DLG2: variants seen among roughly 807,000 people sequenced by gnomAD.
The protein encoded by DLG2 is discs large MAGUK scaffold protein 2, also known as disks large homolog 2.
In DLG2, 45 loss-of-function variants were observed where a neutral mutation model predicts 132.5. That is an observed-to-expected ratio of 0.34 (90% CI 0.27 to 0.44). The LOEUF (loss-of-function observed/expected upper bound fraction) is 0.44, where lower values mean the gene tolerates loss of function less well. Ranked by LOEUF, DLG2 falls within the 20% of genes least tolerant of loss-of-function variation. The pLI, the probability that DLG2 is intolerant of heterozygous loss-of-function variation, is 1.00. For missense variants in DLG2, 1,045 were observed against 1,196.9 expected (o/e 0.87, Z 1.87); for synonymous variants, 424 against 419.6 (o/e 1.01, Z -0.13).
At chr11:83,506,853 C>T (rs2094728418) in intron 21 of DLG2, among the ~76,000 whole-genome samples, 1 of 152,202 alleles carries the variant, frequency 6.6e-6, no homozygotes, top group African/African-American at 2.4e-5. Flanking sequence ...TGAGACTGTG[C>T]ATGCACCTTT....
intron 7 of DLG2, among the ~76,000 whole-genome samples, chr11:84,353,914 G>T (rs753642551): frequency 1.3e-5 from 2 of 152,082 alleles, no homozygotes; most frequent in African/African-American, 4.8e-5. Flanking sequence ...CAACCTCCCT[G>T]ATTGGTCAGA....
At chr11:83,710,884 A>G (rs1305961888) in intron 18 of DLG2, among the ~76,000 whole-genome samples, 2 of 152,230 alleles carry the variant, frequency 1.3e-5, no homozygotes, top group African/African-American at 4.8e-5. Flanking sequence ...TAACATAAAT[A>G]TGCTAGTAAC....
chr11:84,279,610 A>G (rs1285410835), intron 7 of DLG2, among the ~76,000 whole-genome samples: 3 of 152,228 alleles, frequency 2.0e-5, no homozygotes, highest in African/African-American at 7.2e-5. Context: ...CATATACACC[A>G]TGGAATACTA....
At chr11:85,508,843 T>C (rs1165039144) in intron 3 of DLG2, among the ~76,000 whole-genome samples, 1 of 152,078 alleles carries the variant, frequency 6.6e-6, no homozygotes, top group Non-Finnish European at 1.5e-5. Context: ...ATCTGACAGA[T>C]AGTAGACAAG....
chr11:84,802,096 G>GT (rs1293746257), intron 6 of DLG2, among the ~76,000 whole-genome samples: 1 of 142,910 alleles, frequency 7.0e-6, no homozygotes, highest in African/African-American at 2.6e-5. Context: ...CTTACTTTTA[G>GT]TTAAAAAAAA....
intron 18 of DLG2, among the ~76,000 whole-genome samples, chr11:83,748,728 T>C (rs1647045523): frequency 6.6e-6 from 1 of 152,222 alleles, no homozygotes; most frequent in African/African-American, 2.4e-5. Context: ...CATTAGTATA[T>C]AGTTTAAGGG....
At chr11:84,654,257 G>A (rs1319163086) in intron 6 of DLG2, among the ~76,000 whole-genome samples, 3 of 152,066 alleles carry the variant, frequency 2.0e-5, no homozygotes, top group East Asian at 1.9e-4. Flanking sequence ...ACTGAATCTT[G>A]AAGATTATCA....
At chr11:83,823,348 A>T (rs1444136275) in intron 17 of DLG2, among the ~76,000 whole-genome samples, 2 of 152,120 alleles carry the variant, frequency 1.3e-5, no homozygotes, top group African/African-American at 2.4e-5. Flanking sequence ...TGCTACCCAA[A>T]TTTTTTGGAA....
At chr11:85,137,931 G>T (rs2076230591) in intron 5 of DLG2, among the ~76,000 whole-genome samples, 1 of 151,988 alleles carries the variant, frequency 6.6e-6, no homozygotes, top group Non-Finnish European at 1.5e-5. Flanking sequence ...ATTTTTCAGA[G>T]TTTCTATCAT....
At chr11:84,984,207 T>A (rs766786161) in intron 6 of DLG2, among the ~76,000 whole-genome samples, 1 of 152,186 alleles carries the variant, frequency 6.6e-6, no homozygotes, top group East Asian at 1.9e-4. Context: ...CACATTGCCA[T>A]CAGGTTATCT....
At chr11:85,032,104 C>T (rs1220318521) in intron 6 of DLG2, among the ~76,000 whole-genome samples, 1 of 151,786 alleles carries the variant, frequency 6.6e-6, no homozygotes, top group Non-Finnish European at 1.5e-5. Context: ...TGCCTGACCA[C>T]CATACATATT....
At chr11:84,585,959 C>T (rs532632734) in intron 6 of DLG2, among the ~76,000 whole-genome samples, 20 of 152,132 alleles carry the variant, frequency 1.3e-4, no homozygotes, top group Admixed American at 2.0e-4. Context: ...TGAGACCAGC[C>T]GGGCAACATG....
intron 6 of DLG2, among the ~76,000 whole-genome samples, chr11:85,093,068 A>AT (rs1244228458): frequency 6.6e-6 from 1 of 152,108 alleles, no homozygotes; most frequent in Non-Finnish European, 1.5e-5. Context: ...TTAGACATTG[A>AT]TTTTCGACTG....
intron 6 of DLG2, among the ~76,000 whole-genome samples, chr11:84,916,044 G>A (rs1287032632): frequency 6.6e-6 from 1 of 152,014 alleles, no homozygotes; most frequent in Non-Finnish European, 1.5e-5. Context: ...TTCTAAAAAT[G>A]TTCAGAGGAT....
intron 3 of DLG2, among the ~76,000 whole-genome samples, chr11:85,576,182 T>A (rs1441207700): frequency 6.6e-6 from 1 of 152,202 alleles, no homozygotes; most frequent in East Asian, 1.9e-4. Flanking sequence ...CAAATTGTCA[T>A]AGTATTGCAA....
chr11:83,881,328 C>T (rs187903254), intron 15 of DLG2, among the ~76,000 whole-genome samples: 4 of 152,254 alleles, frequency 2.6e-5, no homozygotes, highest in Admixed American at 2.0e-4. Flanking sequence ...TGTACTTACA[C>T]ATTGGATTTT....
Position 85,323,557 on chromosome 11 carries a change from A to G in DLG2, c.41-38192T>C, listed in dbSNP as rs546082847. On this transcript the variant is annotated intron_variant, in intron 3 of 27. Coordinates refer to ENST00000376104, the MANE Select transcript of DLG2 (RefSeq NM_001142699.3). ...TTGAAATATACAATAAATTATTGTT[A>G]GCTATTCTCACTCTACTGTGCTATC... Among the ~76,000 whole-genome samples, 296 of 152,292 alleles carry G rather than the reference A, an allele frequency of 1.9e-3. 2 individuals are homozygous for G. Among genetic ancestry groups the G allele is most frequent in the Admixed American group, 5.4e-3 (83 of 15,280 alleles).
chr11:85,206,110 TAA>T (rs1238724413), intron 4 of DLG2, among the ~76,000 whole-genome samples: 1 of 152,018 alleles, frequency 6.6e-6, no homozygotes, highest in Non-Finnish European at 1.5e-5. Flanking sequence ...TCTGGTTTTT[TAA>T]AAGTGTGTGG....
intron 6 of DLG2, among the ~76,000 whole-genome samples, chr11:84,782,085 A>G (rs902528024): frequency 2.6e-5 from 4 of 152,108 alleles, no homozygotes; most frequent in Non-Finnish European, 5.9e-5. Context: ...AAATCAAGAC[A>G]AGAAACACTT....
Sources: gnomAD v4.1 joint callset for allele counts (sites outside exome capture counted in the v4.1 genomes callset) on GRCh38, gnomAD v4.1.1 for gene constraint, MANE v1.5 for transcripts, NCBI Gene and HGNC (gene_info 2026-07-23, HGNC 2026-07-21) for gene names.